The following GLS variants were observed in gnomAD, a reference collection of about 807,000 sequenced individuals.
GLS encodes glutaminase, also known as glutaminase kidney isoform, mitochondrial.
GLS carries 36 observed loss-of-function variants against 86.7 expected under a neutral mutation model. The ratio of observed to expected loss-of-function variants is 0.42; its 90% CI spans 0.32 to 0.55. The LOEUF is 0.55. Ranked by LOEUF, GLS falls within the 20% of genes least tolerant of loss-of-function variation. GLS has a pLI of 0.17. For missense variants in GLS, 528 were observed against 833.4 expected, an observed-to-expected ratio of 0.63 and a Z score of 4.51; for synonymous variants, 317 against 305.9, an observed-to-expected ratio of 1.04 and a Z score of -0.38.
rs919710382 is a variant in GLS, at chr2:190,927,191, T to A, written c.1249-115T>A. 6 of 825,268 alleles carry A rather than the reference T, an allele frequency of 7.3e-6. No homozygotes were observed. The Admixed American group carries it at 1.7e-4, about 24-fold the overall frequency. The allele number at this position is 825,268 out of a possible 1,614,324, so 51.1% of individuals were successfully genotyped here. ...TGTCCTCAAGTTTATATTAAAGTAA[T>A]CTCTTTGGAAGAAATATTTCAGATC... On this transcript the variant is annotated intron_variant, in intron 11 of 17. Coordinates refer to ENST00000320717, the MANE Select transcript of GLS (RefSeq NM_014905.5).
intron 12 of GLS, chr2:190,927,727 C>T: frequency 2.8e-6 from 1 of 360,022 alleles, no homozygotes. Context: ...ATCCAGTGTA[C>T]AAGGTTAGTA....
At chr2:190,917,199 G>A (rs1364085908) in intron 7 of GLS, among the ~76,000 whole-genome samples, 1 of 152,166 alleles carries the variant, frequency 6.6e-6, no homozygotes, top group Non-Finnish European at 1.5e-5. Flanking sequence ...CTAAGTTTAT[G>A]GAATGTTCTA....
chr2:190,901,143 G>A (rs186831413), intron 4 of GLS, among the ~76,000 whole-genome samples: 1 of 151,978 alleles, frequency 6.6e-6, no homozygotes, highest in Non-Finnish European at 1.5e-5. Flanking sequence ...CAAAGCAGGG[G>A]TTAGGGATGC....
chr2:190,933,814 CAT>C (rs1690185730), intron 14 of GLS: 7 of 661,794 alleles, frequency 1.1e-5, no homozygotes, highest in Non-Finnish European at 1.3e-5. Flanking sequence ...TATAGCATCT[CAT>C]AAAGTTTGTT....
chr2:190,910,371 C>A (rs765053415), intron 7 of GLS, 50 bp downstream of exon 7: 7 of 856,790 alleles, frequency 8.2e-6, no homozygotes, highest in Admixed American at 2.2e-5. Flanking sequence ...TTTTTTTTAA[C>A]AGCTAAGGCA....
At chr2:190,898,265 A>G (rs1688815915) in intron 3 of GLS, among the ~76,000 whole-genome samples, 1 of 152,230 alleles carries the variant, frequency 6.6e-6, no homozygotes, top group Admixed American at 6.5e-5. Context: ...ATCATTGTGC[A>G]TTAGTTTTTA....
rs1689847169 is a variant in GLS, at chr2:190,924,801, G to T, written c.1248+208G>T. 2.3e-6 allele frequency: 1 copy of T among 427,030 alleles called. No homozygotes were observed. The allele number at this position is 427,030 out of a possible 1,614,324, so 26.5% of individuals were successfully genotyped here. A position where few individuals can be genotyped will look rare whatever the true frequency, so the allele number is the denominator to read the frequency against. On this transcript the variant is annotated intron_variant, in intron 11 of 17. Coordinates refer to ENST00000320717, the MANE Select transcript of GLS (RefSeq NM_014905.5). This position sits in a 1 kb window ranked among gnomAD's most constrained non-coding sequence, Gnocchi z 5.2. ...GTGGTAGTGTGTGCCTGTAGTCCCAGTTACTTGTGAGGCTGAGGCAGGAGA... is the reference window on the plus strand; with the variant it reads ...GTGGTAGTGTGTGCCTGTAGTCCCATTTACTTGTGAGGCTGAGGCAGGAGA...
At position 190,921,279 on chromosome 2, in the gene GLS, G is replaced by C. The variant is rs1689728371; in HGVS notation, c.1130+76G>C. ...AGAATTGATCCACTCTCTTTTCATT[G>C]GAGGGAAATGAATGATTTCTAAATT... On this transcript the variant is annotated intron_variant, in intron 9 of 17. Transcript: ENST00000320717. The surrounding 1 kb of genome is among the most constrained non-coding windows in gnomAD (Gnocchi z 4.2). The C allele has an allele frequency of 3.1e-6, 3 of 958,268 alleles. No homozygotes were observed. The highest frequency in any genetic ancestry group is 5.1e-6 in the Non-Finnish European group (3 of 592,074). The allele number at this position is 958,268 out of a possible 1,614,324, so 59.4% of individuals were successfully genotyped here.
rs754253823 is a variant in GLS, at chr2:190,920,686, G to T, written c.1039-338G>T. Reference sequence around the variant, plus strand: ...TTATTTTAAGTTTTTTTAAATATAAGATTAAATAAATAACACATTTTAGCA... The same window carrying T: ...TTATTTTAAGTTTTTTTAAATATAATATTAAATAAATAACACATTTTAGCA... On this transcript the variant is annotated intron_variant, in intron 7 of 17. Transcript: ENST00000320717. The surrounding 1 kb of genome is among the most constrained non-coding windows in gnomAD (Gnocchi z 4.2). 2.4e-4 allele frequency among the ~76,000 whole-genome samples: 36 copies of T among 151,478 alleles called. No individual in the cohort carries two copies. The highest frequency in any genetic ancestry group is 6.9e-3 in the Middle Eastern group (2 of 288).
At chr2:190,900,853 C>T (rs879883948) in intron 4 of GLS, among the ~76,000 whole-genome samples, 160 bp downstream of exon 4, 6 of 152,120 alleles carry the variant, frequency 3.9e-5, no homozygotes, top group Non-Finnish European at 7.4e-5. Flanking sequence ...AGTGTTTTTA[C>T]GGTATTTTAA....
At chr2:190,934,783 A>C (rs1440435437) in intron 14 of GLS, 1 of 969,348 alleles carries the variant, frequency 1.0e-6, no homozygotes, top group Non-Finnish European at 1.2e-6. Context: ...TGCATACTTA[A>C]AAATGAAGTA....
At chr2:190,925,949 CT>C (rs1326183708) in intron 11 of GLS, among the ~76,000 whole-genome samples, 6 of 152,104 alleles carry the variant, frequency 3.9e-5, no homozygotes, top group South Asian at 2.1e-4. Context: ...TTTTTTCCCC[CT>C]GGTCTGTATG....
chr2:190,882,087 G>A (rs1309378697), intron 1 of GLS: 1 of 152,340 alleles, frequency 6.6e-6, no homozygotes, highest in African/African-American at 2.4e-5. Context: ...TCAGAAGTGA[G>A]ATTAGGAGGA....
At chr2:190,926,385 A>G (rs1024169109) in intron 11 of GLS, among the ~76,000 whole-genome samples, 9 of 152,254 alleles carry the variant, frequency 5.9e-5, no homozygotes, top group African/African-American at 9.6e-5. Context: ...TAAACACACA[A>G]TGTTCTAATT....
chr2:190,888,214 T>C (rs1186609078), intron 1 of GLS, among the ~76,000 whole-genome samples: 3 of 152,178 alleles, frequency 2.0e-5, no homozygotes, highest in Non-Finnish European at 4.4e-5. Context: ...ATAAGAACAG[T>C]AAGCACCATT....
At chr2:190,942,633 C>T (rs11677838) in intron 14 of GLS, among the ~76,000 whole-genome samples, 17,529 of 152,120 alleles carry the variant, frequency 0.12, 1,388 homozygotes, top group Admixed American at 0.27. Flanking sequence ...GTATGAGCAA[C>T]AGGGCCAAAG....
intron 14 of GLS, among the ~76,000 whole-genome samples, chr2:190,945,065 A>AGTAG (rs1484656149): frequency 4.7e-5 from 1 of 21,244 alleles, no homozygotes; most frequent in Non-Finnish European, 1.3e-4. Flanking sequence ...TGCTTGACCC[A>AGTAG]GTAGATAGTA....
intron 14 of GLS, among the ~76,000 whole-genome samples, chr2:190,939,687 AATC>A (rs1168424376): frequency 6.6e-6 from 1 of 151,742 alleles, no homozygotes; most frequent in East Asian, 1.9e-4. Flanking sequence ...TTATTTCACA[AATC>A]ATCACAAAAG....
chr2:190,883,199 G>A (rs576709575), intron 1 of GLS, among the ~76,000 whole-genome samples: 5 of 152,084 alleles, frequency 3.3e-5, no homozygotes, highest in African/African-American at 1.2e-4. Flanking sequence ...TCACCTTTTA[G>A]CAAGGGCCTC....
Sources: allele counts gnomAD v4.1 joint callset (sites outside exome capture counted in the v4.1 genomes callset), GRCh38; gene constraint gnomAD v4.1.1; non-coding constraint Gnocchi (gnomAD v3.1); transcripts MANE v1.5; gene names NCBI Gene and HGNC (gene_info 2026-07-23, HGNC 2026-07-21).